The following CSMD3 variants were observed in gnomAD, a reference collection of about 807,000 sequenced individuals.
The protein encoded by CSMD3 is CUB and Sushi multiple domains 3.
CSMD3 carries 177 observed loss-of-function variants against 435.2 expected under a neutral mutation model. That is an observed-to-expected ratio of 0.41 (90% CI 0.36 to 0.46). The LOEUF is 0.46. Ranked by LOEUF, CSMD3 falls within the 20% of genes least tolerant of loss-of-function variation. CSMD3 has a pLI of 0.34. For missense variants in CSMD3, 4,265 were observed against 4,504.6 expected, an observed-to-expected ratio of 0.95 and a Z score of 1.52; for synonymous variants, 1,656 against 1,520.5, an observed-to-expected ratio of 1.09 and a Z score of -2.07.
chr8:112,645,224 T>C lies in CSMD3; in HGVS notation c.3195A>G (p.Ala1065=), dbSNP rs2131613308. The C allele has an allele frequency of 6.7e-7, 1 of 1,490,100 alleles. No homozygotes were observed. Among genetic ancestry groups the C allele is most frequent in the Non-Finnish European group, 9.4e-7 (1 of 1,067,070 alleles). The allele number at this position is 1,490,100 out of a possible 1,614,324, so 92.3% of individuals were successfully genotyped here. A position where few individuals can be genotyped will look rare whatever the true frequency, so the allele number is the denominator to read the frequency against. The part of the protein sequence containing the change: ...WWSHPLPTCD[A]LCGGDVRGPS... Reference sequence around the variant, plus strand: ...GCCCTCTAACATCTCCTCCACATAATGCTGAAATACAAAGAAACAGATCCA... The same window carrying C: ...GCCCTCTAACATCTCCTCCACATAACGCTGAAATACAAAGAAACAGATCCA... The change falls in exon 20 of 71, where the codon GCA becomes GCG. Residue 1065 remains alanine (A), a splice_region_variant and synonymous_variant. Coordinates refer to ENST00000297405, the MANE Select transcript of CSMD3 (RefSeq NM_198123.2).
At chr8:113,035,350 G>C (rs1219634293) in intron 5 of CSMD3, among the ~76,000 whole-genome samples, 1 of 151,914 alleles carries the variant, frequency 6.6e-6, no homozygotes, top group African/African-American at 2.4e-5. Flanking sequence ...CAAGAACATA[G>C]ATGAATCTCA....
intron 10 of CSMD3, among the ~76,000 whole-genome samples, chr8:112,909,564 T>A (rs182744464): frequency 1.3e-5 from 2 of 151,844 alleles, no homozygotes; most frequent in Admixed American, 1.3e-4. Context: ...TTAAAAAAAA[T>A]TCATGCTTCA....
chr8:112,613,103 T>A (rs1290038012), intron 22 of CSMD3, among the ~76,000 whole-genome samples: 1 of 152,060 alleles, frequency 6.6e-6, no homozygotes, highest in Non-Finnish European at 1.5e-5. Context: ...AAAGTCTATG[T>A]GTTATAAAAT....
At chr8:112,842,528 T>C (rs2080208740) in intron 11 of CSMD3, among the ~76,000 whole-genome samples, 1 of 136,428 alleles carries the variant, frequency 7.3e-6, no homozygotes, top group African/African-American at 2.7e-5. Flanking sequence ...ACAATAGTAA[T>C]ATTATTAACA....
intron 4 of CSMD3, among the ~76,000 whole-genome samples, chr8:113,153,126 A>AAGGAAG (rs1429322418): frequency 3.1e-3 from 199 of 63,992 alleles, no homozygotes; most frequent in East Asian, 7.0e-3. Context: ...AGAAAGAAAG[A>AAGGAAG]GAAAGAAGGA....
chr8:113,042,818 C>A (rs2087678367), intron 5 of CSMD3, among the ~76,000 whole-genome samples: 1 of 152,126 alleles, frequency 6.6e-6, no homozygotes, highest in Non-Finnish European at 1.5e-5. Flanking sequence ...GATCACCCAG[C>A]CAGATAAACC....
intron 2 of CSMD3, among the ~76,000 whole-genome samples, chr8:113,305,182 G>A (rs1464811267): frequency 6.7e-6 from 1 of 149,982 alleles, no homozygotes; most frequent in Non-Finnish European, 1.5e-5. Flanking sequence ...GGATAGCATT[G>A]GGAGATATAC....
At chr8:112,419,220 C>T (rs563669169) in intron 32 of CSMD3, among the ~76,000 whole-genome samples, 73 of 142,662 alleles carry the variant, frequency 5.1e-4, no homozygotes, top group Admixed American at 8.1e-4. Flanking sequence ...CAGTGAGCTG[C>T]GTTATGCTGA....
chr8:112,364,854 G>A (rs1204174873), intron 38 of CSMD3, among the ~76,000 whole-genome samples: 1 of 151,984 alleles, frequency 6.6e-6, no homozygotes, highest in Non-Finnish European at 1.5e-5. Context: ...AGCAAAAATT[G>A]TCAGTTTAAG....
At chr8:113,403,014 C>T (rs2094516835) in intron 1 of CSMD3, among the ~76,000 whole-genome samples, 1 of 151,218 alleles carries the variant, frequency 6.6e-6, no homozygotes, top group African/African-American at 2.4e-5. Flanking sequence ...AATACAATTG[C>T]ACCCTCTGAA....
chr8:112,833,143 T>C (rs2079924903), intron 11 of CSMD3, among the ~76,000 whole-genome samples: 1 of 152,190 alleles, frequency 6.6e-6, no homozygotes, highest in African/African-American at 2.4e-5. Context: ...TTTTGACTAC[T>C]CTTGGACCAT....
intron 4 of CSMD3, among the ~76,000 whole-genome samples, chr8:113,117,661 G>C (rs1007680883): frequency 7.9e-5 from 12 of 152,222 alleles, no homozygotes; most frequent in South Asian, 2.1e-4. Flanking sequence ...CTCAACACCA[G>C]CCTGTAAAGG....
At chr8:112,369,315 A>C (rs1285909404) in intron 38 of CSMD3, among the ~76,000 whole-genome samples, 1 of 152,134 alleles carries the variant, frequency 6.6e-6, no homozygotes, top group East Asian at 1.9e-4. Context: ...GGAATAAAAA[A>C]TTTACAAAAA....
At chr8:112,295,116 A>T (rs950679586) in intron 54 of CSMD3, among the ~76,000 whole-genome samples, 1 of 152,078 alleles carries the variant, frequency 6.6e-6, no homozygotes, top group East Asian at 1.9e-4. Context: ...GCAACCTCAT[A>T]AATAATTTTT....
In CSMD3 at chr8:112,863,665, G is replaced by T. The variant is rs1167829125; in HGVS notation, c.1634-4399C>A. Among the ~76,000 whole-genome samples, 27 of 151,888 alleles carry T rather than the reference G, an allele frequency of 1.8e-4. 1 individual carries two copies. The highest frequency in any genetic ancestry group is 2.9e-5 in the Non-Finnish European group (2 of 67,942). On this transcript the variant is annotated intron_variant, in intron 10 of 70. Coordinates refer to ENST00000297405, the MANE Select transcript of CSMD3 (RefSeq NM_198123.2). ...GTTGTGTCCATTTGTCAAAGTAAAGGAGATTGGTGTCTGTATTCAATTTTA... is the reference window on the plus strand; with the variant it reads ...GTTGTGTCCATTTGTCAAAGTAAAGTAGATTGGTGTCTGTATTCAATTTTA...
intron 32 of CSMD3, among the ~76,000 whole-genome samples, chr8:112,457,129 T>C (rs1473855884): frequency 6.6e-6 from 1 of 152,130 alleles, no homozygotes; most frequent in Non-Finnish European, 1.5e-5. Flanking sequence ...CTAGTGCCCC[T>C]ACCTCATTTT....
At chr8:113,215,018 T>C (rs1182545922) in intron 3 of CSMD3, among the ~76,000 whole-genome samples, 1 of 151,882 alleles carries the variant, frequency 6.6e-6, no homozygotes, top group African/African-American at 2.4e-5. Flanking sequence ...AAGAGACATA[T>C]TGTAAATATT....
intron 5 of CSMD3, among the ~76,000 whole-genome samples, chr8:113,055,956 T>C (rs1298766114): frequency 6.6e-6 from 1 of 152,040 alleles, no homozygotes; most frequent in Non-Finnish European, 1.5e-5. Flanking sequence ...GACAGTTGGG[T>C]GAAGAGGATA....
At chr8:113,343,388 T>G (rs771452037) in intron 1 of CSMD3, among the ~76,000 whole-genome samples, 8 of 152,020 alleles carry the variant, frequency 5.3e-5, no homozygotes, top group African/African-American at 1.9e-4. Flanking sequence ...AACAAAAGAA[T>G]AGTAAAATTG....
Sources: gnomAD v4.1 joint callset for allele counts (sites outside exome capture counted in the v4.1 genomes callset) on GRCh38, gnomAD v4.1.1 for gene constraint, MANE v1.5 for transcripts, NCBI Gene and HGNC (gene_info 2026-07-23, HGNC 2026-07-21) for gene names.